Variants in AMZ1 observed in about 807,000 individuals in gnomAD.
The protein encoded by AMZ1 is archaelysin family metallopeptidase 1.
AMZ1 carries 39 observed loss-of-function variants against 29.9 expected under a neutral mutation model. The ratio of observed to expected loss-of-function variants is 1.30; its 90% CI spans 1.01 to 1.70. The LOEUF (loss-of-function observed/expected upper bound fraction) is 1.70, where lower values mean the gene tolerates loss of function less well. Ranked by LOEUF, AMZ1 falls within the 40% of genes most tolerant of loss-of-function variation. The pLI, the probability that AMZ1 is intolerant of heterozygous loss-of-function variation, is 0.00. For synonymous variants in AMZ1, 458 were observed against 304.0 expected (o/e 1.51, Z -5.27); for missense variants, 1,041 against 680.6 (o/e 1.53, Z -5.89).
chr7:2,760,663 C>G (rs1383545424), upstream of AMZ1, among the ~76,000 whole-genome samples: 1 of 152,226 alleles, frequency 6.6e-6, no homozygotes, highest in Non-Finnish European at 1.5e-5. Flanking sequence ...CCCTTTAAAC[C>G]TTCCCAACCT....
At chr7:2,724,946 C>T (rs913630484) in intron 4 of AMZ1, among the ~76,000 whole-genome samples, 3 of 152,016 alleles carry the variant, frequency 2.0e-5, no homozygotes, top group African/African-American at 2.4e-5. Context: ...GGTACCCCAG[C>T]GGGTGGTCTG....
intron 4 of AMZ1, among the ~76,000 whole-genome samples, chr7:2,746,860 A>G (rs975666540): frequency 2.6e-5 from 4 of 152,138 alleles, no homozygotes; most frequent in African/African-American, 7.2e-5. Context: ...CCACAGAAAT[A>G]CAAACTACCA....
At chr7:2,733,732 G>C (rs1562391840) in intron 4 of AMZ1, among the ~76,000 whole-genome samples, 1 of 152,236 alleles carries the variant, frequency 6.6e-6, no homozygotes. Flanking sequence ...AATTCTGGCT[G>C]TTTTTCAATT....
At chr7:2,744,343 G>T (rs930019084) in intron 4 of AMZ1, among the ~76,000 whole-genome samples, 1 of 152,188 alleles carries the variant, frequency 6.6e-6, no homozygotes, top group Non-Finnish European at 1.5e-5. Flanking sequence ...CGATCAGGCA[G>T]CAGCATTTGT....
At position 2,719,515 on chromosome 7, in the gene AMZ1, C is replaced by A. The variant is rs777163450; in HGVS notation, c.*6637C>A. 3.3e-5 allele frequency among the ~76,000 whole-genome samples: 5 copies of A among 152,188 alleles called. No individual in the cohort carries two copies. Among genetic ancestry groups the A allele is most frequent in the Non-Finnish European group, 7.3e-5 (5 of 68,030 alleles). Reference sequence around the variant, plus strand: ...CTTTGATCACCGCTCGATTGTATGGCACAGTTATTTTTAAAAATCCAGTCC... The same window carrying A: ...CTTTGATCACCGCTCGATTGTATGGAACAGTTATTTTTAAAAATCCAGTCC... On this transcript the variant is annotated 3_prime_UTR_variant, in exon 7 of 7. Coordinates refer to ENST00000683327, the MANE Select transcript of AMZ1 (RefSeq NM_001384743.1).
chr7:2,706,003 C>G (rs1038102784), intron 3 of AMZ1, among the ~76,000 whole-genome samples: 1 of 152,210 alleles, frequency 6.6e-6, no homozygotes, highest in Non-Finnish European at 1.5e-5. Flanking sequence ...AAGGGTCACT[C>G]CAGGGCTTTC....
chr7:2,758,604 C>A (rs1220278027), intron 4 of AMZ1, among the ~76,000 whole-genome samples: 1 of 152,028 alleles, frequency 6.6e-6, no homozygotes, highest in Non-Finnish European at 1.5e-5. Context: ...ATCAGGGGAG[C>A]CTTTCAAGGA....
intron 1 of AMZ1, among the ~76,000 whole-genome samples, chr7:2,694,930 C>T (rs1787616877): frequency 6.6e-6 from 1 of 152,208 alleles, no homozygotes; most frequent in Admixed American, 6.5e-5. Flanking sequence ...GCCTCGACCT[C>T]CCAAGGTGCT....
intron 2 of AMZ1, 113 bp downstream of exon 2, chr7:2,700,868 T>A: frequency 1.4e-6 from 2 of 1,388,876 alleles, no homozygotes; most frequent in South Asian, 2.7e-5. Context: ...GGGAAGAGGG[T>A]CCTGGGTGTA....
At chr7:2,710,234 A>G (rs1232983303) in intron 6 of AMZ1, among the ~76,000 whole-genome samples, 1 of 152,156 alleles carries the variant, frequency 6.6e-6, no homozygotes, top group Non-Finnish European at 1.5e-5. Context: ...GAGCTGACAC[A>G]ACAAGGCTTG....
upstream of AMZ1, chr7:2,762,910 A>T: frequency 7.1e-7 from 1 of 1,416,444 alleles, no homozygotes; most frequent in Middle Eastern, 2.2e-4. Flanking sequence ...CGGGGAGAAG[A>T]GGCCACAGGC....
upstream of AMZ1, among the ~76,000 whole-genome samples, chr7:2,687,896 C>T (rs1787146069): frequency 6.6e-6 from 1 of 152,140 alleles, no homozygotes; most frequent in South Asian, 2.1e-4. Context: ...GCCTGGTTCA[C>T]CTCTTCACCT....
Position 2,712,690 on chromosome 7 carries a change from C to T in AMZ1, c.1309C>T (p.Leu437Phe). 2.5e-6 allele frequency: 4 copies of T among 1,612,308 alleles called. No individual in the cohort carries two copies. The highest frequency in any genetic ancestry group is 3.4e-6 in the Non-Finnish European group (4 of 1,179,588). Residue 437 changes from leucine to phenylalanine, a missense_variant, in exon 7 of 7, where the codon CTC becomes TTC. Leu to Phe is a conservative substitution (Grantham distance 22). Coordinates refer to ENST00000683327, the MANE Select transcript of AMZ1 (RefSeq NM_001384743.1). ...LVQVDRAVDA[L>F]DRWEMFTGQL... is the part of the protein sequence containing the mutation. ...GCAGGTGGACAGAGCCGTGGACGCCCTCGACCGCTGGGAGATGTTCACGGG... is the reference window on the plus strand; with the variant it reads ...GCAGGTGGACAGAGCCGTGGACGCCTTCGACCGCTGGGAGATGTTCACGGG...
In AMZ1 at chr7:2,713,651, A is replaced by G. The variant is rs2115195414; in HGVS notation, c.*773A>G. 2 of 152,432 alleles carry G rather than the reference A, an allele frequency of 1.3e-5. No individual in the cohort carries two copies. The highest frequency in any genetic ancestry group is 4.2e-4 in the South Asian group (2 of 4,808). The allele number at this position is 152,432 out of a possible 1,614,324, so 9.4% of individuals were successfully genotyped here. A position where few individuals can be genotyped will look rare whatever the true frequency, so the allele number is the denominator to read the frequency against. ...AGGCGTCAACCACATGCACACACAC[A>G]CTGTCACGTTCTGTGGCGCTAACAG... On this transcript the variant is annotated 3_prime_UTR_variant, in exon 7 of 7. Transcript: ENST00000683327.
rs184601060 is a variant in AMZ1, at chr7:2,700,470, G to T, written c.19G>T (p.Ala7Ser). MLQCRP[A>S]QEFSFGPRAL... The stretch of plus-strand genomic sequence containing the variant: ...GCCCACCATGCTGCAGTGTAGACCC[G>T]CACAGGAGTTCAGCTTCGGGCCCCG... Residue 7 changes from alanine (A) to serine (S), a missense_variant, in exon 2 of 7, where the codon GCA becomes TCA. Coordinates refer to ENST00000683327, the MANE Select transcript of AMZ1 (RefSeq NM_001384743.1). 1.2e-5 allele frequency: 19 copies of T among 1,601,692 alleles called. No individual in the cohort carries two copies. In the African/African-American group the frequency reaches 2.0e-4, roughly 17 times the overall value.
In AMZ1 at chr7:2,731,646, A is replaced by G; in HGVS notation, n.550+21830A>G. ...GGCGCTGGGACCGCTGGCCGCCCAC[A>G]TCCACCATCTTAAAGGGGATCTTCT... On this transcript the variant is annotated intron_variant and non_coding_transcript_variant, in intron 4 of 4. Coordinates refer to the AMZ1 transcript ENST00000489665. This position sits in a 1 kb window ranked among gnomAD's most constrained non-coding sequence, Gnocchi z 6.0. 1 of 1,613,736 alleles carries G rather than the reference A, an allele frequency of 6.2e-7. No homozygotes were observed. The highest frequency in any genetic ancestry group is 8.5e-7 in the Non-Finnish European group (1 of 1,179,886).
At chr7:2,690,766 A>G (rs1350303020) in intron 1 of AMZ1, among the ~76,000 whole-genome samples, 1 of 152,070 alleles carries the variant, frequency 6.6e-6, no homozygotes, top group African/African-American at 2.4e-5. Flanking sequence ...TGAATAACTT[A>G]GATGGGCCTG....
At chr7:2,732,196 C>A (rs1172813100) in intron 4 of AMZ1, among the ~76,000 whole-genome samples, 2 of 152,136 alleles carry the variant, frequency 1.3e-5, no homozygotes, top group African/African-American at 4.8e-5. Context: ...TTAGACAATT[C>A]TTTAAGTCTT....
chr7:2,731,064 T>C lies in AMZ1; in HGVS notation n.550+21248T>C. On this transcript the variant is annotated intron_variant and non_coding_transcript_variant, in intron 4 of 4. Transcript: ENST00000489665. The surrounding 1 kb of genome is among the most constrained non-coding windows in gnomAD (Gnocchi z 6.0). Reference sequence around the variant, plus strand: ...TCTGACAGCATTCCTGAGCCAGGTATTCCAGGGCACGGATCCGAGAAACCC... The same window carrying C: ...TCTGACAGCATTCCTGAGCCAGGTACTCCAGGGCACGGATCCGAGAAACCC... 1 of 669,466 alleles carries C rather than the reference T, an allele frequency of 1.5e-6. No individual in the cohort carries two copies. The highest frequency in any genetic ancestry group is 2.5e-6 in the Non-Finnish European group (1 of 394,686). The allele number at this position is 669,466 out of a possible 1,614,324, so 41.5% of individuals were successfully genotyped here. A position where few individuals can be genotyped will look rare whatever the true frequency, so the allele number is the denominator to read the frequency against.
Sources: gnomAD v4.1 joint callset for allele counts (sites outside exome capture counted in the v4.1 genomes callset) on GRCh38, gnomAD v4.1.1 for gene constraint, Gnocchi (gnomAD v3.1) non-coding constraint, MANE v1.5 for transcripts, NCBI Gene and HGNC (gene_info 2026-07-23, HGNC 2026-07-21) for gene names.